Variants in ASCC1 observed in about 807,000 individuals in gnomAD.
The protein encoded by ASCC1 is activating signal cointegrator 1 complex subunit 1, also known as ASC-1 complex subunit P50.
Under a neutral mutation model 46.6 loss-of-function variants are expected in ASCC1, and 35 were observed. The observed-to-expected ratio is 0.75, with a 90% CI of 0.57 to 0.99. The LOEUF (loss-of-function observed/expected upper bound fraction) is 0.99, where lower values mean the gene tolerates loss of function less well. Ranked by LOEUF, ASCC1 falls within the 50% of genes least tolerant of loss-of-function variation. The pLI, the probability that ASCC1 is intolerant of heterozygous loss-of-function variation, is 0.00. For missense variants in ASCC1, 376 were observed against 428.7 expected (o/e 0.88, Z 1.09); for synonymous variants, 143 against 146.6 (o/e 0.98, Z 0.18).
chr10:72,138,377 A>G (rs2132372293), intron 7 of ASCC1, among the ~76,000 whole-genome samples: 1 of 152,294 alleles, frequency 6.6e-6, no homozygotes, highest in Admixed American at 6.5e-5. Context: ...TACATGAAAG[A>G]AATCAGTTTC....
At chr10:72,198,340 G>T (rs1477964453) in intron 4 of ASCC1, 3 of 24,240 alleles carry the variant, frequency 1.2e-4, no homozygotes, top group Admixed American at 8.2e-4. Context: ...GGGGAGGAGA[G>T]GGGAGGGGAG....
chr10:72,106,731 A>G (rs1842383549), intron 9 of ASCC1, among the ~76,000 whole-genome samples: 1 of 152,212 alleles, frequency 6.6e-6, no homozygotes, highest in African/African-American at 2.4e-5. Context: ...CCAGCTCATT[A>G]ACTCCAAAAA....
At chr10:72,110,509 C>A (rs1353801643) in intron 9 of ASCC1, among the ~76,000 whole-genome samples, 1 of 152,256 alleles carries the variant, frequency 6.6e-6, no homozygotes. Flanking sequence ...GCAAATCAGG[C>A]CGGGCGCAGT....
Position 72,138,010 on chromosome 10 carries a change from G to A in ASCC1, c.747-4829C>T, listed in dbSNP as rs549125367. Among the ~76,000 whole-genome samples, 20 of 152,080 alleles carry A rather than the reference G, an allele frequency of 1.3e-4. No individual in the cohort carries two copies. The South Asian group carries it at 1.9e-3, about 14-fold the overall frequency. On this transcript the variant is annotated intron_variant, in intron 7 of 9. Transcript: ENST00000672957. ...CTCCCGAGTAGCTGGGATTACAGGC[G>A]TGTGCCACTGCCACCGGCTAATTTT...
intron 5 of ASCC1, among the ~76,000 whole-genome samples, chr10:72,170,211 T>TA (rs1381633800): frequency 2.0e-5 from 3 of 152,006 alleles, no homozygotes; most frequent in Non-Finnish European, 4.4e-5. Context: ...TGCATAGTCT[T>TA]AAAATGTCCT....
intron 7 of ASCC1, among the ~76,000 whole-genome samples, chr10:72,149,205 A>G (rs1406331861): frequency 2.0e-5 from 3 of 151,998 alleles, no homozygotes; most frequent in South Asian, 2.1e-4. Flanking sequence ...TTGGGAGGCC[A>G]AGGTGGACAG....
chr10:72,150,220 C>A (rs1215794587), intron 7 of ASCC1, among the ~76,000 whole-genome samples: 4 of 151,752 alleles, frequency 2.6e-5, no homozygotes, highest in African/African-American at 9.7e-5. Flanking sequence ...ACAGAACACA[C>A]ACCAAAATAG....
intron 9 of ASCC1, among the ~76,000 whole-genome samples, chr10:72,127,276 AG>A (rs1412871874): frequency 2.6e-5 from 4 of 152,230 alleles, no homozygotes; most frequent in Non-Finnish European, 5.9e-5. Flanking sequence ...CTTTGTCCAG[AG>A]GAACAATGGC....
At chr10:72,199,956 C>T (rs950499730) in intron 4 of ASCC1, among the ~76,000 whole-genome samples, 1 of 151,740 alleles carries the variant, frequency 6.6e-6, no homozygotes, top group African/African-American at 2.4e-5. Flanking sequence ...TGACCTTGAA[C>T]ACCTGGGCTC....
chr10:72,193,445 A>AACACACACACAC (rs57910616), intron 5 of ASCC1, among the ~76,000 whole-genome samples: 4 of 146,512 alleles, frequency 2.7e-5, no homozygotes, highest in African/African-American at 1.0e-4. Flanking sequence ...TAATAAACAA[A>AACACACACACAC]ACACACACAC....
intron 3 of ASCC1, among the ~76,000 whole-genome samples, chr10:72,210,389 A>G (rs946696666): frequency 5.9e-5 from 9 of 151,930 alleles, no homozygotes; most frequent in Admixed American, 5.3e-4. Context: ...TGAACTTCTG[A>G]CTTCAGGTGA....
rs1554835316 is a variant in ASCC1 at position 72,172,432 on chromosome 10, A to AAG, written c.490-10759_490-10758insCT. ...TCAGTCTCAAAAAAAAAAAAAAAAA[A>AAG]AAAGAAAAACTCTAAGCACAAATAA... On this transcript the variant is annotated intron_variant, in intron 5 of 9. Transcript: ENST00000672957. Among the ~76,000 whole-genome samples, 46 of 146,746 alleles carry AAG rather than the reference A, an allele frequency of 3.1e-4. 2 individuals are homozygous for AAG. Among genetic ancestry groups the AAG allele is most frequent in the African/African-American group, 1.1e-3 (43 of 37,946 alleles).
intron 9 of ASCC1, among the ~76,000 whole-genome samples, chr10:72,102,631 A>T (rs1841904721): frequency 6.6e-6 from 1 of 152,122 alleles, no homozygotes; most frequent in African/African-American, 2.4e-5. Context: ...ACTCACAATT[A>T]TCATAACAGG....
intron 8 of ASCC1, 63 bp downstream of exon 8, chr10:72,132,994 A>T: frequency 8.7e-6 from 14 of 1,609,066 alleles, no homozygotes; most frequent in Non-Finnish European, 1.0e-5. Context: ...ATTCTACCTA[A>T]ACCTCAGAGA....
chr10:72,123,162 C>T (rs959342850), intron 9 of ASCC1, among the ~76,000 whole-genome samples: 25 of 151,788 alleles, frequency 1.6e-4, no homozygotes, highest in Non-Finnish European at 2.8e-4. Context: ...ATGGTGAAAC[C>T]CCGACTCTAC....
intron 7 of ASCC1, among the ~76,000 whole-genome samples, chr10:72,137,392 G>A (rs1589297651): frequency 6.6e-6 from 1 of 152,010 alleles, no homozygotes; most frequent in East Asian, 1.9e-4. Context: ...GATGGGTGTG[G>A]TGGTGCATGC....
chr10:72,205,846 C>T (rs1857129560), intron 3 of ASCC1, among the ~76,000 whole-genome samples: 2 of 151,772 alleles, frequency 1.3e-5, no homozygotes, highest in Admixed American at 1.3e-4. Flanking sequence ...GGTGGTGTCT[C>T]ACGCCTGTAA....
chr10:72,184,152 A>T (rs1050698479), intron 5 of ASCC1, among the ~76,000 whole-genome samples: 2 of 152,020 alleles, frequency 1.3e-5, no homozygotes, highest in Admixed American at 1.3e-4. Flanking sequence ...TCAAAAAATA[A>T]ATAAATAAAT....
At chr10:72,191,643 G>GA (rs148145038) in intron 5 of ASCC1, among the ~76,000 whole-genome samples, 17 of 151,572 alleles carry the variant, frequency 1.1e-4, no homozygotes, top group Non-Finnish European at 1.8e-4. Flanking sequence ...TGAGGGTTAG[G>GA]AAAAAAAATT....
Sources: gnomAD v4.1 joint callset for allele counts (sites outside exome capture counted in the v4.1 genomes callset) on GRCh38, gnomAD v4.1.1 for gene constraint, MANE v1.5 for transcripts, NCBI Gene and HGNC (gene_info 2026-07-23, HGNC 2026-07-21) for gene names.